MRRF: variants seen among roughly 807,000 people sequenced by gnomAD.
MRRF encodes the protein ribosome-recycling factor, mitochondrial.
MRRF carries 18 observed loss-of-function variants against 25.1 expected under a neutral mutation model. That is an observed-to-expected ratio of 0.72 (90% CI 0.50 to 1.06). The LOEUF (loss-of-function observed/expected upper bound fraction) is 1.06. Ranked by LOEUF, MRRF falls within the 50% of genes least tolerant of loss-of-function variation. The pLI is 0.00. For synonymous variants in MRRF, 113 were observed against 112.1 expected (o/e 1.01, Z -0.05); for missense variants, 323 against 319.3 (o/e 1.01, Z -0.09).
chr9:122,269,761 G>GA (rs1046427155), intron 1 of MRRF, among the ~76,000 whole-genome samples: 25 of 151,308 alleles, frequency 1.7e-4, no homozygotes, highest in African/African-American at 5.8e-4. Context: ...TTAAAAGTTT[G>GA]AAAAAAAAGG....
intron 2 of MRRF, among the ~76,000 whole-genome samples, chr9:122,275,309 TA>T (rs1451149530): frequency 6.6e-6 from 1 of 152,150 alleles, no homozygotes; most frequent in Non-Finnish European, 1.5e-5. Flanking sequence ...AGTATTATTT[TA>T]TTCTCTGTGT....
chr9:122,283,341 C>T (rs1833194995), intron 3 of MRRF, among the ~76,000 whole-genome samples: 1 of 152,150 alleles, frequency 6.6e-6, no homozygotes, highest in Non-Finnish European at 1.5e-5. Context: ...GATCCACCCG[C>T]CTCAGCCTCC....
intron 2 of MRRF, among the ~76,000 whole-genome samples, chr9:122,277,862 CT>C (rs1832872405): frequency 6.6e-6 from 1 of 151,900 alleles, no homozygotes; most frequent in African/African-American, 2.4e-5. Flanking sequence ...TTATTTTGGA[CT>C]TTCTTTATAT....
At chr9:122,319,147 CTTTTTTTTTT>C (rs35949709) in intron 6 of MRRF, among the ~76,000 whole-genome samples, 1 of 121,016 alleles carries the variant, frequency 8.3e-6, no homozygotes, top group Non-Finnish European at 1.8e-5. Flanking sequence ...TTCTTTCTTT[CTTTTTTTTTT>C]TTTTTTTTTT....
intron 6 of MRRF, among the ~76,000 whole-genome samples, chr9:122,321,465 G>T (rs1835890339): frequency 1.3e-5 from 2 of 152,090 alleles, no homozygotes. Flanking sequence ...ATATCTTCGT[G>T]TATAGAACTT....
intron 4 of MRRF, chr9:122,285,628 CCTG>C: frequency 1.7e-6 from 1 of 578,410 alleles, no homozygotes; most frequent in Non-Finnish European, 2.7e-6. Flanking sequence ...CTGCCCAGCT[CCTG>C]CTGATCATTG....
intron 5 of MRRF, among the ~76,000 whole-genome samples, chr9:122,307,289 A>G (rs1390962519): frequency 6.6e-6 from 1 of 152,130 alleles, no homozygotes; most frequent in Non-Finnish European, 1.5e-5. Context: ...AATGTCAGGA[A>G]TGTATCTTGA....
intron 1 of MRRF, 77 bp from the exon 2 acceptor site, chr9:122,270,787 G>T: frequency 9.3e-7 from 1 of 1,073,604 alleles, no homozygotes; most frequent in Non-Finnish European, 1.4e-6. Context: ...CTTGATAATT[G>T]GTACGAATTA....
chr9:122,294,819 AAATT>A (rs1295296640), intron 5 of MRRF, among the ~76,000 whole-genome samples: 2 of 152,214 alleles, frequency 1.3e-5, no homozygotes, highest in Non-Finnish European at 2.9e-5. Flanking sequence ...TAGAGAAAAT[AAATT>A]AAGTGGTATG....
At chr9:122,319,242 C>G (rs1000013414) in intron 6 of MRRF, among the ~76,000 whole-genome samples, 4 of 151,280 alleles carry the variant, frequency 2.6e-5, no homozygotes, top group Non-Finnish European at 5.9e-5. Flanking sequence ...GCTCTGCCTC[C>G]TGGGTTCACG....
chr9:122,313,265 C>A lies in MRRF; in HGVS notation c.590C>A (p.Ala197Asp), dbSNP rs766845811. The A allele has an allele frequency of 6.2e-7, 1 of 1,614,018 alleles. No homozygotes were observed. Among genetic ancestry groups the A allele is most frequent in the South Asian group, 1.1e-5 (1 of 91,088 alleles). Residue 197 changes from alanine (A) to aspartate (D), a missense_variant, in exon 6 of 7, where the codon GCC (alanine) becomes GAC (aspartate). Coordinates refer to ENST00000344641, the MANE Select transcript of MRRF (RefSeq NM_138777.5). The part of the protein sequence containing the change: ...REHREMLVKL[A>D]KQNTNKAKDS... ...CACAGAGAAATGCTGGTGAAACTGG[C>A]CAAACAGAACACCAACAAGGCCAAA...
At chr9:122,293,984 C>G (rs1361663468) in intron 5 of MRRF, among the ~76,000 whole-genome samples, 2 of 151,592 alleles carry the variant, frequency 1.3e-5, no homozygotes, top group Non-Finnish European at 2.9e-5. Flanking sequence ...TGTGTAGATG[C>G]ATAATTCTGG....
At chr9:122,285,596 A>T in intron 4 of MRRF, 1 of 450,634 alleles carries the variant, frequency 2.2e-6, no homozygotes, top group Non-Finnish European at 4.0e-6. Flanking sequence ...GAGAGCCTGT[A>T]CCTTGTGTGA....
At position 122,325,668 on chromosome 9, in the gene MRRF, G is replaced by GTT. The variant is rs1393949271; in HGVS notation, c.*3052_*3053insTT. Reference sequence around the variant, plus strand: ...TGTGTGTGTGTGTGTGTGTGTGTGTGTGTGTGTGTGTGTGTGTTGGAAATT... The same window carrying GTT: ...TGTGTGTGTGTGTGTGTGTGTGTGTGTTTGTGTGTGTGTGTGTGTTGGAAATT... On this transcript the variant is annotated 3_prime_UTR_variant, in exon 7 of 7. Transcript: ENST00000344641. 7.7e-6 allele frequency: 1 copy of GTT among 130,384 alleles called. No homozygotes were observed. The highest frequency in any genetic ancestry group is 1.7e-5 in the Non-Finnish European group (1 of 58,750). 8.1% of individuals were successfully genotyped at this position (130,384 alleles called of 1,614,324 possible).
At chr9:122,298,304 T>C (rs552162675) in intron 5 of MRRF, among the ~76,000 whole-genome samples, 7 of 152,344 alleles carry the variant, frequency 4.6e-5, no homozygotes, top group African/African-American at 1.4e-4. Flanking sequence ...TCAGGATGCC[T>C]AATCTCACAG....
In MRRF at chr9:122,319,638, A is replaced by G. The variant is rs184460757; in HGVS notation, c.712-2902A>G. ...ATAATGTTTATTATATGGTAAAGAG[A>G]GATAATAGTCTTTCATATGTTATAG... On this transcript the variant is annotated intron_variant, in intron 6 of 6. Coordinates refer to ENST00000344641, the MANE Select transcript of MRRF (RefSeq NM_138777.5). Among the ~76,000 whole-genome samples, 11 of 152,272 alleles carry G rather than the reference A, an allele frequency of 7.2e-5. No homozygotes were observed. The East Asian group carries it at 1.9e-3, about 27-fold the overall frequency.
intron 1 of MRRF, among the ~76,000 whole-genome samples, chr9:122,269,018 T>C (rs1681847158): frequency 6.6e-6 from 1 of 151,664 alleles, no homozygotes; most frequent in African/African-American, 2.4e-5. Flanking sequence ...TACAAAAAAT[T>C]AGCCGGGCGT....
At chr9:122,292,147 A>G (rs1410024745) in intron 5 of MRRF, among the ~76,000 whole-genome samples, 1 of 152,242 alleles carries the variant, frequency 6.6e-6, no homozygotes, top group Non-Finnish European at 1.5e-5. Flanking sequence ...ATGAGGAAAG[A>G]AAAGACAGTG....
intron 5 of MRRF, among the ~76,000 whole-genome samples, chr9:122,310,609 T>C (rs1226152796): frequency 1.3e-5 from 2 of 152,254 alleles, no homozygotes; most frequent in Non-Finnish European, 1.5e-5. Context: ...TTCTACGTAG[T>C]GGCTGACAAG....
Sources: gnomAD v4.1 joint callset for allele counts (sites outside exome capture counted in the v4.1 genomes callset) on GRCh38, gnomAD v4.1.1 for gene constraint, MANE v1.5 for transcripts, NCBI Gene and HGNC (gene_info 2026-07-23, HGNC 2026-07-21) for gene names.